The following CCDC171 variants were observed in gnomAD, a reference collection of about 807,000 sequenced individuals.
The protein encoded by CCDC171 is coiled-coil domain-containing protein 171.
Under a neutral mutation model 168.2 loss-of-function variants are expected in CCDC171, and 177 were observed. The observed-to-expected ratio is 1.05, with a 90% CI of 0.93 to 1.19. CCDC171 has a LOEUF of 1.19. Among genes scored for constraint, CCDC171 ranks in the 50% most tolerant of loss-of-function variants. CCDC171 has a pLI of 0.00. For missense variants in CCDC171, 1,991 were observed against 1,539.0 expected, an observed-to-expected ratio of 1.29 and a Z score of -4.91; for synonymous variants, 687 against 540.8, an observed-to-expected ratio of 1.27 and a Z score of -3.75.
Position 15,973,900 on chromosome 9 carries a change from C to A in CCDC171, c.*2064C>A, listed in dbSNP as rs542059382. On this transcript the variant is annotated 3_prime_UTR_variant, in exon 26 of 26. Coordinates refer to ENST00000380701, the MANE Select transcript of CCDC171 (RefSeq NM_173550.4). ...GTGTGTGTGTATGCTTGTGTTGAAT[C>A]TGTTTTCAGATCCTACTGATTTTAG... is the stretch of plus-strand genomic sequence containing the variant. 2 of 152,188 alleles carry A rather than the reference C, an allele frequency of 1.3e-5. No individual in the cohort carries two copies. Among genetic ancestry groups the A allele is most frequent in the South Asian group, 4.1e-4 (2 of 4,822 alleles). The allele number at this position is 152,188 out of a possible 1,614,324, so 9.4% of individuals were successfully genotyped here.
At chr9:15,585,460 A>C (rs1365400943) in intron 4 of CCDC171, among the ~76,000 whole-genome samples, 1 of 152,232 alleles carries the variant, frequency 6.6e-6, no homozygotes, top group Non-Finnish European at 1.5e-5. Context: ...AAACATGCTT[A>C]GTGAGAGAAA....
Position 15,971,847 on chromosome 9 carries a change from T to C in CCDC171, c.*11T>C, listed in dbSNP as rs766590019. ...CAGATTGGATTATGACTTCATGAAA[T>C]TAAAAAATGGAGGAAGAGTTAACAG... On this transcript the variant is annotated 3_prime_UTR_variant, in exon 26 of 26. Transcript: ENST00000380701. 6.3e-7 allele frequency: 1 copy of C among 1,590,860 alleles called. No individual in the cohort carries two copies. The highest frequency in any genetic ancestry group is 8.6e-7 in the Non-Finnish European group (1 of 1,160,744).
intron 7 of CCDC171, among the ~76,000 whole-genome samples, chr9:15,625,291 C>T (rs1051210138): frequency 6.6e-6 from 1 of 152,184 alleles, no homozygotes; most frequent in Non-Finnish European, 1.5e-5. Flanking sequence ...ATGGTAGTTT[C>T]TTTTGCTGTG....
intron 11 of CCDC171, among the ~76,000 whole-genome samples, chr9:15,713,069 A>G (rs1008243776): frequency 7.9e-5 from 12 of 152,290 alleles, no homozygotes; most frequent in African/African-American, 2.2e-4. Flanking sequence ...ATTCTTTCCA[A>G]GTACCTAACC....
At chr9:15,975,795 G>C (rs1400702395), downstream of CCDC171, among the ~76,000 whole-genome samples, 1 of 152,144 alleles carries the variant, frequency 6.6e-6, no homozygotes, top group Non-Finnish European at 1.5e-5. Context: ...ATGGCCGTAC[G>C]AGATGTTCAT....
chr9:15,926,245 G>C (rs1171238642), intron 25 of CCDC171, among the ~76,000 whole-genome samples: 1 of 151,636 alleles, frequency 6.6e-6, no homozygotes, highest in Admixed American at 6.6e-5. Context: ...CTTATGGATA[G>C]TACATATGTT....
At chr9:15,676,576 C>G (rs371883741) in intron 9 of CCDC171, among the ~76,000 whole-genome samples, 3 of 152,074 alleles carry the variant, frequency 2.0e-5, no homozygotes, top group African/African-American at 4.8e-5. Context: ...CACAGTCACC[C>G]AAGGACTTCC....
At position 15,728,013 on chromosome 9, in the gene CCDC171, G is replaced by T; in HGVS notation, c.1837G>T (p.Asp613Tyr). The change falls in exon 15 of 26, where the codon GAC becomes TAC. Residue 613 changes from aspartate (D) to tyrosine (Y), a missense_variant. Asp to Tyr is a radical substitution (Grantham distance 160). Transcript: ENST00000380701. Reference protein sequence around the residue: ...LQENVDALIADLNRANEKIRH... With the variant: ...LQENVDALIAYLNRANEKIRH... Reference sequence around the variant, plus strand: ...GGAGAATGTTGATGCCCTGATTGCAGACCTCAACAGGGCTAATGAGAAGGT... The same window carrying T: ...GGAGAATGTTGATGCCCTGATTGCATACCTCAACAGGGCTAATGAGAAGGT... 1 of 1,612,518 alleles carries T rather than the reference G, an allele frequency of 6.2e-7. No homozygotes were observed. The highest frequency in any genetic ancestry group is 1.1e-5 in the South Asian group (1 of 90,782).
chr9:16,075,429 C>A, the CCDC171 span, among the ~76,000 whole-genome samples: 2 of 152,148 alleles, frequency 1.3e-5, no homozygotes, highest in African/African-American at 4.8e-5. Context: ...AAATCTTGAT[C>A]TGTCTGTTAC....
chr9:15,583,094 G>A (rs184631675), intron 4 of CCDC171, among the ~76,000 whole-genome samples: 76 of 152,144 alleles, frequency 5.0e-4, no homozygotes, highest in African/African-American at 1.7e-3. Context: ...ACCAGCCTAG[G>A]AGCCCATCAA....
downstream of CCDC171, among the ~76,000 whole-genome samples, chr9:15,978,914 C>T (rs999215831): frequency 6.6e-6 from 1 of 152,100 alleles, no homozygotes; most frequent in Admixed American, 6.5e-5. Context: ...TCCTCTATCC[C>T]CTGGTGACCA....
chr9:15,673,574 T>C (rs1465507451), intron 9 of CCDC171, among the ~76,000 whole-genome samples: 1 of 152,208 alleles, frequency 6.6e-6, no homozygotes, highest in Non-Finnish European at 1.5e-5. Context: ...TTGAGTTCTG[T>C]CAAAGGCCTT....
At chr9:15,685,519 T>C (rs775225204) in intron 10 of CCDC171, among the ~76,000 whole-genome samples, 1 of 151,962 alleles carries the variant, frequency 6.6e-6, no homozygotes, top group Non-Finnish European at 1.5e-5. Flanking sequence ...CCTGTAGTTC[T>C]AGCTACTTGG....
chr9:15,760,402 C>T (rs2056379699), intron 18 of CCDC171, among the ~76,000 whole-genome samples: 1 of 151,992 alleles, frequency 6.6e-6, no homozygotes, highest in Non-Finnish European at 1.5e-5. Context: ...TACTGTAAAA[C>T]GTGTTGGATA....
intron 21 of CCDC171, among the ~76,000 whole-genome samples, chr9:15,810,779 C>G (rs1588643763): frequency 6.6e-6 from 1 of 152,192 alleles, no homozygotes; most frequent in Non-Finnish European, 1.5e-5. Context: ...CCCGCCTGCG[C>G]CTCTCCCTTG....
At chr9:15,995,478 G>A (rs1832342534) in intron 3 of CCDC171, among the ~76,000 whole-genome samples, 1 of 152,204 alleles carries the variant, frequency 6.6e-6, no homozygotes, top group Non-Finnish European at 1.5e-5. Flanking sequence ...ATCACAGCAA[G>A]TTTACACTTA....
Position 15,657,171 on chromosome 9 carries a change from A to T in CCDC171, c.867A>T (p.Ala289=). Residue 289 remains alanine (A), a synonymous_variant, in exon 8 of 26, where the codon GCA becomes GCT. Coordinates refer to ENST00000380701, the MANE Select transcript of CCDC171 (RefSeq NM_173550.4). ...RVRKLEENIE[A]ERAAHLESKF... is the part of the protein sequence containing the mutation. The stretch of plus-strand genomic sequence containing the variant: ...GGAAATTAGAAGAAAACATTGAAGC[A>T]GAAAGAGCAGCGCATTTGGAATCAA... 1 of 1,611,878 alleles carries T rather than the reference A, an allele frequency of 6.2e-7. No homozygotes were observed. Among genetic ancestry groups the T allele is most frequent in the Non-Finnish European group, 8.5e-7 (1 of 1,178,684 alleles).
chr9:15,903,570 G>A (rs1188775489), intron 24 of CCDC171, among the ~76,000 whole-genome samples: 1 of 152,144 alleles, frequency 6.6e-6, no homozygotes, highest in Non-Finnish European at 1.5e-5. Context: ...AAACCACAAA[G>A]ATGGCGAAAA....
At position 16,036,810 on chromosome 9, in the gene CCDC171, G is replaced by A. The variant is rs530329891; in HGVS notation, n.1181+604G>A. Among the ~76,000 whole-genome samples the A allele has an allele frequency of 4.6e-5, 7 of 151,232 alleles. No individual in the cohort carries two copies. The East Asian group carries it at 1.4e-3, about 30-fold the overall frequency. On this transcript the variant is annotated intron_variant and non_coding_transcript_variant, in intron 8 of 9. Coordinates refer to the CCDC171 transcript ENST00000486641. ...CTAGGAATATCTGAGATGAGATATTGACATAAACATGTGATTCTATACTAT... is the reference window on the plus strand; with the variant it reads ...CTAGGAATATCTGAGATGAGATATTAACATAAACATGTGATTCTATACTAT...
Sources: gnomAD v4.1 joint callset for allele counts (sites outside exome capture counted in the v4.1 genomes callset) on GRCh38, gnomAD v4.1.1 for gene constraint, MANE v1.5 for transcripts, NCBI Gene and HGNC (gene_info 2026-07-23, HGNC 2026-07-21) for gene names.